ARHGEF37: variants seen among roughly 807,000 people sequenced by gnomAD.
The protein encoded by ARHGEF37 is Rho guanine nucleotide exchange factor (GEF) 37.
A neutral mutation model predicts 71.1 loss-of-function variants in ARHGEF37; 55 were observed. That is an observed-to-expected ratio of 0.77 (90% CI 0.62 to 0.97). ARHGEF37 has a LOEUF of 0.97. Ranked by LOEUF, ARHGEF37 falls within the 50% of genes least tolerant of loss-of-function variation. ARHGEF37 has a pLI of 0.00. For missense variants in ARHGEF37, 765 were observed against 836.8 expected (o/e 0.91, Z 1.06); for synonymous variants, 327 against 350.6 (o/e 0.93, Z 0.75).
intron 1 of ARHGEF37, among the ~76,000 whole-genome samples, chr5:149,574,289 C>A (rs1331807848): frequency 6.6e-6 from 1 of 152,136 alleles, no homozygotes; most frequent in African/African-American, 2.4e-5. Context: ...AAATAAAAAT[C>A]AAATATTACA....
intron 3 of ARHGEF37, among the ~76,000 whole-genome samples, chr5:149,601,983 C>T (rs906091883): frequency 1.3e-5 from 2 of 152,020 alleles, no homozygotes; most frequent in Non-Finnish European, 2.9e-5. Context: ...GGAGTTTATT[C>T]TAACTGTGAT....
intron 1 of ARHGEF37, among the ~76,000 whole-genome samples, chr5:149,569,828 C>T (rs1337516758): frequency 6.6e-6 from 1 of 152,078 alleles, no homozygotes; most frequent in African/African-American, 2.4e-5. Flanking sequence ...ACTATGTTTG[C>T]CAGGCTGGTC....
Position 149,628,798 on chromosome 5 carries a change from A to T in ARHGEF37, c.1661-11A>T. ...GGCCCGCAGCCTGCTAACCTTCTGC[A>T]TGCTCCCTAGGACATCGTGGGTATG... On this transcript the variant is annotated splice_polypyrimidine_tract_variant and intron_variant, in intron 11 of 12. Transcript: ENST00000333677. 4 of 1,609,122 alleles carry T rather than the reference A, an allele frequency of 2.5e-6. No individual in the cohort carries two copies. Among genetic ancestry groups the T allele is most frequent in the Non-Finnish European group, 3.4e-6 (4 of 1,177,448 alleles).
intron 3 of ARHGEF37, among the ~76,000 whole-genome samples, chr5:149,608,461 C>T (rs1336119335): frequency 6.6e-6 from 1 of 151,908 alleles, no homozygotes; most frequent in Non-Finnish European, 1.5e-5. Flanking sequence ...ACCTCCGCCT[C>T]CCAGGTTCAA....
intron 12 of ARHGEF37, among the ~76,000 whole-genome samples, chr5:149,631,178 TTC>T (rs1243111571): frequency 6.6e-6 from 1 of 150,940 alleles, no homozygotes; most frequent in Non-Finnish European, 1.5e-5. Flanking sequence ...CTTTCTTTTT[TTC>T]TTTTTTTTTT....
rs376896241 is a variant in ARHGEF37, at chr5:149,609,688, G to A, written c.451G>A (p.Ala151Thr). ...LQRHIQGIVEAVVPQAGSSGL... is the reference protein window; with the variant it reads ...LQRHIQGIVETVVPQAGSSGL... ...GCGGCACATCCAGGGCATCGTTGAG[G>A]CGGTGGTGTGAGTAGAACGGCCAGT... Residue 151 changes from alanine to threonine, a missense_variant, in exon 4 of 13, where the codon GCG (alanine) becomes ACG (threonine). Coordinates refer to ENST00000333677, the MANE Select transcript of ARHGEF37 (RefSeq NM_001001669.3). The A allele has an allele frequency of 1.2e-6, 2 of 1,612,338 alleles. No individual in the cohort carries two copies. The highest frequency in any genetic ancestry group is 8.5e-7 in the Non-Finnish European group (1 of 1,180,028).
intron 1 of ARHGEF37, among the ~76,000 whole-genome samples, chr5:149,584,318 A>AC (rs1763177273): frequency 1.3e-5 from 2 of 152,100 alleles, no homozygotes; most frequent in South Asian, 4.1e-4. Flanking sequence ...GACACATACC[A>AC]CCTGTCCTTT....
Position 149,616,539 on chromosome 5 carries a change from C to T in ARHGEF37, c.459-28C>T, listed in dbSNP as rs180994574. Reference sequence around the variant, plus strand: ...CTGGTCCTCCAGAGGGTGGGATTTACCTGCCTAATACCAGCCTTCTCCCTC... The same window carrying T: ...CTGGTCCTCCAGAGGGTGGGATTTATCTGCCTAATACCAGCCTTCTCCCTC... On this transcript the variant is annotated intron_variant, in intron 4 of 12. Coordinates refer to ENST00000333677, the MANE Select transcript of ARHGEF37 (RefSeq NM_001001669.3). 9.5e-4 allele frequency: 1,497 copies of T among 1,575,738 alleles called. 2 individuals carry two copies. The highest frequency in any genetic ancestry group is 1.2e-3 in the Middle Eastern group (5 of 4,272).
At chr5:149,582,300 T>A (rs1267683290) in intron 1 of ARHGEF37, among the ~76,000 whole-genome samples, 1 of 152,210 alleles carries the variant, frequency 6.6e-6, no homozygotes, top group Admixed American at 6.5e-5. Context: ...AGATTTGACA[T>A]GAATTCCTGC....
intron 1 of ARHGEF37, among the ~76,000 whole-genome samples, chr5:149,562,619 T>G (rs990408211): frequency 6.6e-6 from 1 of 152,090 alleles, no homozygotes. Context: ...GCTAACTTTT[T>G]GTATTTTTAG....
intron 4 of ARHGEF37, among the ~76,000 whole-genome samples, chr5:149,611,929 A>C (rs1472172029): frequency 6.6e-6 from 1 of 152,226 alleles, no homozygotes; most frequent in Non-Finnish European, 1.5e-5. Flanking sequence ...TTCACTAAGA[A>C]AGGAGAAATA....
intron 6 of ARHGEF37, 123 bp from the exon 7 acceptor site, chr5:149,618,815 G>C (rs1335296962): frequency 1.3e-6 from 1 of 768,176 alleles, no homozygotes; most frequent in African/African-American, 1.7e-5. Flanking sequence ...CTTTGGGGTT[G>C]CGAGAACCAG....
chr5:149,564,336 A>G (rs932279227), intron 1 of ARHGEF37, among the ~76,000 whole-genome samples: 1 of 152,170 alleles, frequency 6.6e-6, no homozygotes, highest in Non-Finnish European at 1.5e-5. Context: ...AGATAGGGCA[A>G]CTTAAGCCCA....
chr5:149,554,464 A>C (rs541975884), intron 1 of ARHGEF37, among the ~76,000 whole-genome samples: 4 of 152,150 alleles, frequency 2.6e-5, no homozygotes, highest in African/African-American at 9.6e-5. Context: ...TAACCCTGAG[A>C]TTCTATAATT....
chr5:149,632,258 A>G lies in ARHGEF37; in HGVS notation c.*67A>G. The G allele has an allele frequency of 1.3e-6, 2 of 1,541,776 alleles. No homozygotes were observed. Among genetic ancestry groups the G allele is most frequent in the East Asian group, 2.3e-5 (1 of 43,654 alleles). On this transcript the variant is annotated 3_prime_UTR_variant, in exon 13 of 13. Coordinates refer to ENST00000333677, the MANE Select transcript of ARHGEF37 (RefSeq NM_001001669.3). Reference sequence around the variant, plus strand: ...GCTTAGAGGCTCTGACCCTGGGGGGAAAAGAAGCAAAGGAAAGGTGGAGGT... The same window carrying G: ...GCTTAGAGGCTCTGACCCTGGGGGGGAAAGAAGCAAAGGAAAGGTGGAGGT...
At chr5:149,593,531 G>T (rs1016629060) in intron 1 of ARHGEF37, among the ~76,000 whole-genome samples, 1 of 152,082 alleles carries the variant, frequency 6.6e-6, no homozygotes, top group African/African-American at 2.4e-5. Context: ...TAGGGGTTGG[G>T]GTACCAACAT....
intron 1 of ARHGEF37, among the ~76,000 whole-genome samples, chr5:149,586,014 A>C (rs528304803): frequency 1.3e-5 from 2 of 152,322 alleles, no homozygotes; most frequent in South Asian, 4.1e-4. Context: ...TAATTCAATT[A>C]ATTGAGCACC....
intron 9 of ARHGEF37, 74 bp from the exon 10 acceptor site, chr5:149,623,938 T>C: frequency 1.3e-6 from 2 of 1,508,720 alleles, no homozygotes; most frequent in South Asian, 1.3e-5. Flanking sequence ...GAAAATAATA[T>C]AAACCCAAAG....
In ARHGEF37 at chr5:149,632,553, GATA is replaced by G. The variant is rs1200756673; in HGVS notation, c.*365_*367del. The G allele has an allele frequency of 2.3e-5, 6 of 258,578 alleles. No homozygotes were observed. The South Asian group carries it at 4.1e-4, about 18-fold the overall frequency. 16.0% of individuals were successfully genotyped at this position (258,578 alleles called of 1,614,324 possible). A position where few individuals can be genotyped will look rare whatever the true frequency, so the allele number is the denominator to read the frequency against. Reference sequence around the variant, plus strand: ...CTGCCTGTGGGCGTGGGTCACACGGGATAATGTTACCTGCGTGCTGTGTGGTTG... The same window carrying G: ...CTGCCTGTGGGCGTGGGTCACACGGGATGTTACCTGCGTGCTGTGTGGTTG... On this transcript the variant is annotated 3_prime_UTR_variant, in exon 13 of 13. Transcript: ENST00000333677.
Sources: gnomAD v4.1 joint callset for allele counts (sites outside exome capture counted in the v4.1 genomes callset) on GRCh38, gnomAD v4.1.1 for gene constraint, MANE v1.5 for transcripts, NCBI Gene and HGNC (gene_info 2026-07-23, HGNC 2026-07-21) for gene names.